The following ZNF430 variants were observed in gnomAD, a reference collection of about 807,000 sequenced individuals.
ZNF430 encodes the protein zinc finger protein 430.
In ZNF430, 35 loss-of-function variants were observed where a neutral mutation model predicts 56.7. The ratio of observed to expected loss-of-function variants is 0.62; its 90% CI spans 0.47 to 0.82. ZNF430 has a LOEUF of 0.82. Ranked by LOEUF, ZNF430 falls within the 40% of genes least tolerant of loss-of-function variation. The probability of loss-of-function intolerance (pLI) is 0.00; values close to 1 mark genes in which losing one functional copy is unlikely to be tolerated. For synonymous variants in ZNF430, 212 were observed against 224.3 expected, an observed-to-expected ratio of 0.94 and a Z score of 0.49; for missense variants, 574 against 661.0, an observed-to-expected ratio of 0.87 and a Z score of 1.44.
intron 1 of ZNF430, among the ~76,000 whole-genome samples, 198 bp from the exon 2 acceptor site, chr19:21,022,591 A>G (rs373056860): frequency 6.5e-4 from 99 of 152,296 alleles, no homozygotes; most frequent in African/African-American, 2.4e-3. Flanking sequence ...CTCTGGGCAC[A>G]GAGATCTTGT....
At chr19:21,022,056 T>TCGAACTCTTGACCTCAGGTGATC (rs1248558089) in intron 1 of ZNF430, among the ~76,000 whole-genome samples, 1 of 152,122 alleles carries the variant, frequency 6.6e-6, no homozygotes, top group African/African-American at 2.4e-5. Flanking sequence ...CTGGCTGGCC[T>TCGAACTCTTGACCTCAGGTGATC]CGAACTCTTG....
intron 4 of ZNF430, 126 bp from the exon 5 acceptor site, chr19:21,056,505 A>T: frequency 3.9e-5 from 23 of 585,868 alleles, no homozygotes; most frequent in Non-Finnish European, 5.6e-5. Context: ...AAAAAAAATT[A>T]GGGCCTTTAT....
At chr19:21,039,319 T>C (rs1968059989) in intron 4 of ZNF430, among the ~76,000 whole-genome samples, 1 of 151,394 alleles carries the variant, frequency 6.6e-6, no homozygotes. Context: ...AGTTTGGAAC[T>C]CCTGGACTCA....
intron 4 of ZNF430, among the ~76,000 whole-genome samples, chr19:21,048,034 C>T (rs1418240156): frequency 6.6e-6 from 1 of 151,862 alleles, no homozygotes; most frequent in East Asian, 1.9e-4. Flanking sequence ...GTTTTACTAC[C>T]TTTATTTTTG....
At chr19:21,022,136 C>A (rs59367123) in intron 1 of ZNF430, among the ~76,000 whole-genome samples, 113 of 152,202 alleles carry the variant, frequency 7.4e-4, no homozygotes, top group African/African-American at 2.4e-3. Flanking sequence ...TCACGCCCAG[C>A]CACGTTAGAT....
At position 21,057,475 on chromosome 19, in the gene ZNF430, T is replaced by C; in HGVS notation, c.1167T>C (p.Thr389=). Residue 389 remains threonine, a synonymous_variant, in exon 5 of 5, where the codon ACT becomes ACC. Transcript: ENST00000261560. ...CTTTTTACCGATTCTCATACCTTAC[T>C]AAACATAAGATAATTCATACTGGAG... is the stretch of plus-strand genomic sequence containing the variant. The part of the protein sequence containing the change: ...GKAFYRFSYL[T]KHKIIHTGEK... The C allele has an allele frequency of 6.2e-7, 1 of 1,613,776 alleles. No homozygotes were observed. The highest frequency in any genetic ancestry group is 2.2e-5 in the East Asian group (1 of 44,856).
chr19:21,052,384 G>C (rs1160805456), intron 4 of ZNF430, among the ~76,000 whole-genome samples: 1 of 152,010 alleles, frequency 6.6e-6, no homozygotes, highest in African/African-American at 2.4e-5. Context: ...ATTCTGTCTT[G>C]TGTTATTTTT....
intron 4 of ZNF430, chr19:21,049,662 C>CTGCAACATTTCTTGTTACATTTCT (rs1568591301): frequency 4.3e-5 from 1 of 23,090 alleles, no homozygotes; most frequent in South Asian, 1.0e-3. Flanking sequence ...GTTACGTTTC[C>CTGCAACATTTCTTGTTACATTTCT]TGCAACATTT....
At chr19:21,034,476 A>G (rs1053055051) in intron 4 of ZNF430, 5 of 279,164 alleles carry the variant, frequency 1.8e-5, no homozygotes, top group African/African-American at 1.1e-4. Flanking sequence ...TTTGGGGGAC[A>G]CACAAATATC....
At chr19:21,052,757 T>C (rs1424264950) in intron 4 of ZNF430, among the ~76,000 whole-genome samples, 1 of 152,168 alleles carries the variant, frequency 6.6e-6, no homozygotes, top group Admixed American at 6.5e-5. Context: ...AGCTGAGTCT[T>C]GTAGAAAGGC....
Position 21,057,638 on chromosome 19 carries a change from C to T in ZNF430, c.1330C>T (p.Leu444Phe). The change falls in exon 5 of 5, where the codon CTT becomes TTT. Residue 444 changes from leucine to phenylalanine, a missense_variant. Leu to Phe is a conservative substitution (Grantham distance 22). This residue lies in a region of ZNF430 where 213 missense variants were observed against 221.0 expected (regional missense o/e 0.96). Transcript: ENST00000261560. The part of the protein sequence containing the change: ...CGKAFNESSN[L>F]TAHKIIHTGE... The stretch of plus-strand genomic sequence containing the variant: ...CAAAGCTTTTAATGAGTCCTCAAAC[C>T]TTACTGCACATAAGATAATTCATAC... The T allele has an allele frequency of 2.5e-6, 4 of 1,612,198 alleles. No homozygotes were observed. The highest frequency in any genetic ancestry group is 3.4e-6 in the Non-Finnish European group (4 of 1,179,536).
rs1479112041 is a variant in ZNF430, at chr19:21,056,861, G to C, written c.553G>C (p.Val185Leu). 1 of 1,610,092 alleles carries C rather than the reference G, an allele frequency of 6.2e-7. No individual in the cohort carries two copies. The highest frequency in any genetic ancestry group is 1.3e-5 in the African/African-American group (1 of 74,852). The change falls in exon 5 of 5, where the codon GTC becomes CTC. Residue 185 changes from valine to leucine, a missense_variant. Val to Leu is a conservative substitution (Grantham distance 32, BLOSUM62 1). Around this residue, in one of 3 missense-constraint regions of ZNF430, gnomAD observed 346 missense variants for 399.1 expected, o/e 0.87. Transcript: ENST00000261560. ...ATTTCAATATGATAAATATGTGAAT[G>C]TCTTTTATAAATTTTCAAATCCAAA... is the stretch of plus-strand genomic sequence containing the variant. ...EIFQYDKYVN[V>L]FYKFSNPNIQ...
intron 2 of ZNF430, among the ~76,000 whole-genome samples, chr19:21,030,510 G>A (rs551159211): frequency 5.5e-4 from 82 of 148,372 alleles, no homozygotes; most frequent in Non-Finnish European, 7.9e-4. Flanking sequence ...ATTTTCCAAA[G>A]GCAGATTTAT....
intron 2 of ZNF430, among the ~76,000 whole-genome samples, chr19:21,028,510 T>C (rs1223770560): frequency 6.6e-6 from 1 of 152,134 alleles, no homozygotes; most frequent in Non-Finnish European, 1.5e-5. Flanking sequence ...CCAGCCTGGA[T>C]TATCATTGGG....
At chr19:21,025,174 C>T (rs904355809) in intron 2 of ZNF430, among the ~76,000 whole-genome samples, 1 of 152,168 alleles carries the variant, frequency 6.6e-6, no homozygotes, top group African/African-American at 2.4e-5. Flanking sequence ...GGCAGAGCAG[C>T]CCTGAGGGCT....
At chr19:21,051,684 G>T (rs981756902) in intron 4 of ZNF430, among the ~76,000 whole-genome samples, 1 of 152,094 alleles carries the variant, frequency 6.6e-6, no homozygotes, top group African/African-American at 2.4e-5. Context: ...AGTAGAGATG[G>T]GGTTTTATGT....
At chr19:21,027,071 G>T (rs997320304) in intron 2 of ZNF430, among the ~76,000 whole-genome samples, 1 of 151,794 alleles carries the variant, frequency 6.6e-6, no homozygotes, top group Non-Finnish European at 1.5e-5. Context: ...CTCGTGATCT[G>T]CTCACCTCAG....
rs977182996 is a variant in ZNF430 at position 21,034,590 on chromosome 19, T to G, written c.322+406T>G. On this transcript the variant is annotated intron_variant, in intron 4 of 4. Transcript: ENST00000261560. The stretch of plus-strand genomic sequence containing the variant: ...TTCATGCTCGTTGCCCAGGCTAAAG[T>G]GCAATGGCACGATCTAGGCTCACTG... The G allele has an allele frequency of 6.0e-4, 94 of 156,994 alleles. 1 individual carries two copies. Among genetic ancestry groups the G allele is most frequent in the Non-Finnish European group, 7.0e-5 (5 of 71,392 alleles). 9.7% of individuals were successfully genotyped at this position (156,994 alleles called of 1,614,324 possible).
At chr19:21,048,770 C>T (rs1399329396) in intron 4 of ZNF430, among the ~76,000 whole-genome samples, 7 of 151,604 alleles carry the variant, frequency 4.6e-5, no homozygotes, top group Non-Finnish European at 8.8e-5. Flanking sequence ...CGGGCAGAGG[C>T]GCCCCCCACC....
Sources: allele counts gnomAD v4.1 joint callset (sites outside exome capture counted in the v4.1 genomes callset), GRCh38; gene constraint gnomAD v4.1.1; regional missense constraint gnomAD v4.1.1; transcripts MANE v1.5; gene names NCBI Gene and HGNC (gene_info 2026-07-23, HGNC 2026-07-21).